MYCBP: variants seen among roughly 807,000 people sequenced by gnomAD.
MYCBP encodes the protein MYC binding protein.
Under a neutral mutation model 16.8 loss-of-function variants are expected in MYCBP, and 5 were observed. That is an observed-to-expected ratio of 0.30 (90% CI 0.16 to 0.63). MYCBP has a LOEUF of 0.63. Ranked by LOEUF, MYCBP falls within the 20% of genes least tolerant of loss-of-function variation. The probability of loss-of-function intolerance (pLI) is 0.83; values close to 1 mark genes in which losing one functional copy is unlikely to be tolerated. For missense variants in MYCBP, 103 were observed against 121.8 expected (o/e 0.85, Z 0.73); for synonymous variants, 35 against 43.7 (o/e 0.80, Z 0.79).
In MYCBP at chr1:38,863,469, T is replaced by C. The variant is rs1479081333; in HGVS notation, c.*1201A>G. On this transcript the variant is annotated 3_prime_UTR_variant, in exon 5 of 5. Transcript: ENST00000397572. The stretch of plus-strand genomic sequence containing the variant: ...AAAACAAAACATCTGACTGTAGGTC[T>C]ACCCAAAGAAAGGAAAAAGGACTAA... 2.0e-5 allele frequency: 3 copies of C among 152,382 alleles called. No homozygotes were observed. The East Asian group carries it at 5.8e-4, about 29-fold the overall frequency. The allele number at this position is 152,382 out of a possible 1,614,324, so 9.4% of individuals were successfully genotyped here. A position where few individuals can be genotyped will look rare whatever the true frequency, so the allele number is the denominator to read the frequency against.
At chr1:38,869,060 A>C (rs1642402506) in intron 2 of MYCBP, among the ~76,000 whole-genome samples, 1 of 148,530 alleles carries the variant, frequency 6.7e-6, no homozygotes, top group Non-Finnish European at 1.5e-5. Context: ...AAAAATCACT[A>C]TTTTTTGAGA....
At chr1:38,869,708 G>C (rs965604330) in intron 2 of MYCBP, among the ~76,000 whole-genome samples, 1 of 152,124 alleles carries the variant, frequency 6.6e-6, no homozygotes, top group East Asian at 1.9e-4. Context: ...CTTTCATAGT[G>C]TTTTAATGTT....
chr1:38,873,148 C>G, intron 1 of MYCBP, 58 bp from the exon 2 acceptor site: 1 of 1,551,954 alleles, frequency 6.4e-7, no homozygotes. Flanking sequence ...GAAGAAGGCG[C>G]TGGGAGTCCG....
intron 4 of MYCBP, among the ~76,000 whole-genome samples, chr1:38,866,395 A>C (rs1642339077): frequency 6.8e-6 from 1 of 147,340 alleles, no homozygotes; most frequent in African/African-American, 2.5e-5. Context: ...TCCTATTTCC[A>C]GTATGTCTTG....
At position 38,873,058 on chromosome 1, in the gene MYCBP, C is replaced by T; in HGVS notation, c.48G>A (p.Arg16=). ...AADSKREQFR[R]YLEKSGVLDT... ...CCAGCACCCCCGACTTCTCCAAGTA[C>T]CTCCGGAACTGCTCACGCTTCGAGT... Residue 16 remains arginine, a synonymous_variant, in exon 2 of 5, where the codon AGG becomes AGA. Transcript: ENST00000397572. The T allele has an allele frequency of 6.4e-7, 1 of 1,574,200 alleles. No individual in the cohort carries two copies. Among genetic ancestry groups the T allele is most frequent in the Non-Finnish European group, 8.6e-7 (1 of 1,159,914 alleles).
rs564326407 is a variant in MYCBP, at chr1:38,864,710, G to C, written c.272C>G (p.Ala91Gly). 1.2e-6 allele frequency: 2 copies of C among 1,613,824 alleles called. No homozygotes were observed. The highest frequency in any genetic ancestry group is 2.2e-5 in the East Asian group (1 of 44,810). Residue 91 changes from alanine (A) to glycine (G), a missense_variant, in exon 5 of 5, where the codon GCT becomes GGT. By Grantham distance (60) the Ala-to-Gly change is moderately conservative. Coordinates refer to ENST00000397572, the MANE Select transcript of MYCBP (RefSeq NM_012333.5). ...CTCCTCCTGAGGTGGTTCATACTGA[G>C]CAAGCTATGGGGCAAAGACAGAGGA... ...EENKKLKAKLAQYEPPQEEKR... is the reference protein window; with the variant it reads ...EENKKLKAKLGQYEPPQEEKR...
intron 2 of MYCBP, chr1:38,872,624 C>T (rs1642489062): frequency 4.9e-6 from 1 of 205,336 alleles, no homozygotes; most frequent in Non-Finnish European, 9.8e-6. Context: ...GAAATTCGGT[C>T]ATTTTTCCAG....
In MYCBP at chr1:38,862,521, C is replaced by A. The variant is rs1642263836; in HGVS notation, c.*2149G>T. On this transcript the variant is annotated 3_prime_UTR_variant, in exon 5 of 5. Coordinates refer to ENST00000397572, the MANE Select transcript of MYCBP (RefSeq NM_012333.5). Reference sequence around the variant, plus strand: ...TACATCCATTATATTTAATTTGATTCTTACAACCAACTTGTGAGATAGGCA... The same window carrying A: ...TACATCCATTATATTTAATTTGATTATTACAACCAACTTGTGAGATAGGCA... 6.6e-6 allele frequency among the ~76,000 whole-genome samples: 1 copy of A among 152,170 alleles called. No individual in the cohort carries two copies. Among genetic ancestry groups the A allele is most frequent in the African/African-American group, 2.4e-5 (1 of 41,428 alleles).
At chr1:38,869,708 G>T (rs965604330) in intron 2 of MYCBP, among the ~76,000 whole-genome samples, 1 of 152,124 alleles carries the variant, frequency 6.6e-6, no homozygotes, top group Non-Finnish European at 1.5e-5. Flanking sequence ...CTTTCATAGT[G>T]TTTTAATGTT....
At chr1:38,869,029 C>G (rs552243502) in intron 2 of MYCBP, among the ~76,000 whole-genome samples, 1 of 151,908 alleles carries the variant, frequency 6.6e-6, no homozygotes, top group South Asian at 2.1e-4. Context: ...TAATAACTTA[C>G]CAAAATAATA....
Position 38,864,565 on chromosome 1 carries a change from T to C in MYCBP, c.*105A>G, listed in dbSNP as rs1453415350. ...CAGAGTGTGATAGGTGAATTAAACATATTAAAAGAGTTCTATAGCATCTGT... is the reference window on the plus strand; with the variant it reads ...CAGAGTGTGATAGGTGAATTAAACACATTAAAAGAGTTCTATAGCATCTGT... On this transcript the variant is annotated 3_prime_UTR_variant, in exon 5 of 5. Transcript: ENST00000397572. 2 of 1,145,720 alleles carry C rather than the reference T, an allele frequency of 1.7e-6. No individual in the cohort carries two copies. The highest frequency in any genetic ancestry group is 1.5e-5 in the African/African-American group (1 of 64,684). The allele number at this position is 1,145,720 out of a possible 1,614,324, so 71.0% of individuals were successfully genotyped here.
chr1:38,871,386 C>A (rs75143403), intron 2 of MYCBP, among the ~76,000 whole-genome samples: 1 of 151,448 alleles, frequency 6.6e-6, no homozygotes, highest in Non-Finnish European at 1.5e-5. Context: ...GGCCTTCCCC[C>A]CATCACCCTA....
Position 38,873,346 on chromosome 1 carries a change from A to G in MYCBP, c.-41T>C. 3 of 1,594,576 alleles carry G rather than the reference A, an allele frequency of 1.9e-6. No homozygotes were observed. Among genetic ancestry groups the G allele is most frequent in the Non-Finnish European group, 2.6e-6 (3 of 1,176,250 alleles). On this transcript the variant is annotated 5_prime_UTR_variant, in exon 1 of 5. Coordinates refer to ENST00000397572, the MANE Select transcript of MYCBP (RefSeq NM_012333.5). ...GGCGTAGCTGGCGCCGGAGACCGCG[A>G]CTGGCGGGTTGGGAGCAGCACTGCT...
rs1642267929 is a variant in MYCBP at position 38,862,781 on chromosome 1, C to A, written c.*1889G>T. ...CACCTAAAAGTGTGATTATCCAACC[C>A]ACATGTTGCCTTTCTGTTCAAAAAG... On this transcript the variant is annotated 3_prime_UTR_variant, in exon 5 of 5. Transcript: ENST00000397572. Among the ~76,000 whole-genome samples, 1 of 152,156 alleles carries A rather than the reference C, an allele frequency of 6.6e-6. No homozygotes were observed. The highest frequency in any genetic ancestry group is 2.4e-5 in the African/African-American group (1 of 41,438).
chr1:38,867,875 G>A (rs571158906), intron 2 of MYCBP, among the ~76,000 whole-genome samples: 39 of 152,316 alleles, frequency 2.6e-4, no homozygotes, highest in African/African-American at 9.1e-4. Context: ...GAACACCTAA[G>A]CAAACCTAGG....
intron 2 of MYCBP, chr1:38,872,676 G>A (rs1332329331): frequency 2.0e-5 from 6 of 303,578 alleles, no homozygotes; most frequent in Admixed American, 4.9e-5. Context: ...AAGATTCTGA[G>A]GACTCCATAA....
chr1:38,864,982 A>G (rs1642306650), intron 4 of MYCBP, among the ~76,000 whole-genome samples: 1 of 152,240 alleles, frequency 6.6e-6, no homozygotes, highest in Admixed American at 6.5e-5. Flanking sequence ...AATACTTGAT[A>G]TGCAATAAAC....
chr1:38,868,726 A>C (rs1445796179), intron 2 of MYCBP, among the ~76,000 whole-genome samples: 1 of 152,092 alleles, frequency 6.6e-6, no homozygotes, highest in Non-Finnish European at 1.5e-5. Context: ...TAACACAGTG[A>C]AACCCCGTCT....
chr1:38,866,792 CT>C, intron 4 of MYCBP, 87 bp downstream of exon 4: 1 of 1,072,134 alleles, frequency 9.3e-7, no homozygotes, highest in Non-Finnish European at 1.3e-6. Context: ...ACCCACCTCC[CT>C]CCCCTCCTGT....
Sources: gnomAD v4.1 joint callset for allele counts (sites outside exome capture counted in the v4.1 genomes callset) on GRCh38, gnomAD v4.1.1 for gene constraint, MANE v1.5 for transcripts, NCBI Gene and HGNC (gene_info 2026-07-23, HGNC 2026-07-21) for gene names.